The following PARD3 variants were observed in gnomAD, a reference collection of about 807,000 sequenced individuals.
The protein encoded by PARD3 is par-3 family cell polarity regulator, also known as partitioning defective 3 homolog.
A neutral mutation model predicts 155.4 loss-of-function variants in PARD3; 75 were observed. The observed-to-expected ratio is 0.48, with a 90% CI of 0.40 to 0.58. The LOEUF (loss-of-function observed/expected upper bound fraction) is 0.58, where lower values mean the gene tolerates loss of function less well. Ranked by LOEUF, PARD3 falls within the 20% of genes least tolerant of loss-of-function variation. The probability of loss-of-function intolerance (pLI) is 0.00; values close to 1 mark genes in which losing one functional copy is unlikely to be tolerated. For missense variants in PARD3, 1,642 were observed against 1,721.7 expected (o/e 0.95, Z 0.82); for synonymous variants, 576 against 610.5 (o/e 0.94, Z 0.83).
rs570875334 is a variant in PARD3, at chr10:34,442,392, G to A, written c.714+7925C>T. Among the ~76,000 whole-genome samples the A allele has an allele frequency of 2.6e-4, 40 of 152,208 alleles. No individual in the cohort carries two copies. In the South Asian group the frequency reaches 7.7e-3, roughly 29 times the overall value. On this transcript the variant is annotated intron_variant, in intron 5 of 24. Coordinates refer to ENST00000374788, the MANE Select transcript of PARD3 (RefSeq NM_001184785.2). ...TGACCCCTCAGTCATTTCCCTGACCGATCTGAAGTTGTTGTAATCAGATTG... is the reference window on the plus strand; with the variant it reads ...TGACCCCTCAGTCATTTCCCTGACCAATCTGAAGTTGTTGTAATCAGATTG...
chr10:34,744,778 G>A (rs936564787), intron 1 of PARD3, among the ~76,000 whole-genome samples: 17 of 152,188 alleles, frequency 1.1e-4, no homozygotes, highest in African/African-American at 4.1e-4. Context: ...AAAAATCCAA[G>A]ATAAGCAAAA....
rs1019363684 is a variant in PARD3 at position 34,795,295 on chromosome 10, C to T, written c.120+19581G>A. On this transcript the variant is annotated intron_variant, in intron 1 of 24. Coordinates refer to ENST00000374788, the MANE Select transcript of PARD3 (RefSeq NM_001184785.2). ...CACGGCAGGTCCGGAGGGAGATGCCCAATTCCAGTTCACTGGTAGTAAAAC... is the reference window on the plus strand; with the variant it reads ...CACGGCAGGTCCGGAGGGAGATGCCTAATTCCAGTTCACTGGTAGTAAAAC... 3.3e-5 allele frequency among the ~76,000 whole-genome samples: 5 copies of T among 152,248 alleles called. No individual in the cohort carries two copies. In the East Asian group the frequency reaches 9.6e-4, roughly 29 times the overall value.
chr10:34,236,149 G>C (rs1370612304), intron 22 of PARD3, among the ~76,000 whole-genome samples: 1 of 152,134 alleles, frequency 6.6e-6, no homozygotes, highest in Non-Finnish European at 1.5e-5. Flanking sequence ...GTAACCTACA[G>C]CTTATGATCT....
At chr10:34,668,395 C>A (rs1462902091) in intron 2 of PARD3, among the ~76,000 whole-genome samples, 1 of 152,156 alleles carries the variant, frequency 6.6e-6, no homozygotes, top group African/African-American at 2.4e-5. Context: ...CTCAGTGCAA[C>A]TGAATCATAG....
At chr10:34,762,502 TCCCACTAGGTTG>T in intron 1 of PARD3, among the ~76,000 whole-genome samples, 1 of 126,890 alleles carries the variant, frequency 7.9e-6, no homozygotes, top group South Asian at 2.6e-4. Flanking sequence ...AGAGATGGGG[TCCCACTAGGTTG>T]CCCAGGCTGG....
At chr10:34,196,419 T>C (rs12780542) in intron 22 of PARD3, among the ~76,000 whole-genome samples, 3,242 of 152,278 alleles carry the variant, frequency 0.021, 129 homozygotes, top group African/African-American at 0.073. Flanking sequence ...CTTATGTTGA[T>C]GACAATTTTT....
At chr10:34,622,640 T>TA (rs2091747026) in intron 2 of PARD3, among the ~76,000 whole-genome samples, 1 of 152,148 alleles carries the variant, frequency 6.6e-6, no homozygotes, top group Non-Finnish European at 1.5e-5. Flanking sequence ...CTGAATAAAT[T>TA]ACGGTTGAAT....
In PARD3 at chr10:34,382,662, T is replaced by C. The variant is rs777637594; in HGVS notation, c.1277A>G (p.His426Arg). ...DSHSRLPHSA[H>R]PSGKPPSAPA... ...AGCGGATGGTGGTTTTCCCGAGGGG[T>C]GTGCGCTATGAGGTAGTCTTGAGTG... The change falls in exon 9 of 25, where the codon CAC becomes CGC. Residue 426 changes from histidine (H) to arginine (R), a missense_variant. Physicochemically the swap from His to Arg is conservative, Grantham distance 29. This residue lies in a region of PARD3 where 1,529 missense variants were observed against 1,587.3 expected (regional missense o/e 0.96). Transcript: ENST00000374788. 31 of 1,613,882 alleles carry C rather than the reference T, an allele frequency of 1.9e-5. No individual in the cohort carries two copies. Among genetic ancestry groups the C allele is most frequent in the Middle Eastern group, 1.7e-4 (1 of 6,046 alleles).
chr10:34,633,718 G>A (rs2092364882), intron 2 of PARD3, among the ~76,000 whole-genome samples: 1 of 152,136 alleles, frequency 6.6e-6, no homozygotes, highest in African/African-American at 2.4e-5. Flanking sequence ...GGACCATATG[G>A]TAAGTTCTAT....
chr10:34,367,053 C>T (rs1454242798), intron 12 of PARD3, among the ~76,000 whole-genome samples: 1 of 152,100 alleles, frequency 6.6e-6, no homozygotes, highest in Non-Finnish European at 1.5e-5. Context: ...AAATGTTTTG[C>T]ACAATTATTA....
At position 34,814,978 on chromosome 10, in the gene PARD3, G is replaced by A. The variant is rs762072196; in HGVS notation, c.18C>T (p.Cys6=). The A allele has an allele frequency of 4.6e-6, 7 of 1,537,916 alleles. No homozygotes were observed. The East Asian group carries it at 1.1e-4, about 24-fold the overall frequency. Residue 6 remains cysteine, a synonymous_variant, in exon 1 of 25, where the codon TGC becomes TGT. Coordinates refer to ENST00000374788, the MANE Select transcript of PARD3 (RefSeq NM_001184785.2). ...GCACGACCACCCGGGTCCGTCCGAA[G>A]CACACGGTCACTTTCATGCCGCCGC... is the stretch of plus-strand genomic sequence containing the variant. The part of the protein sequence containing the change: MKVTV[C]FGRTRVVVPC...
intron 4 of PARD3, among the ~76,000 whole-genome samples, chr10:34,469,146 T>G (rs1049393080): frequency 1.3e-5 from 2 of 152,248 alleles, no homozygotes; most frequent in African/African-American, 4.8e-5. Context: ...AGTCTCACTC[T>G]GTCGCCCAGG....
intron 22 of PARD3, among the ~76,000 whole-genome samples, chr10:34,206,976 T>C (rs1160925075): frequency 6.6e-6 from 1 of 152,168 alleles, no homozygotes; most frequent in Non-Finnish European, 1.5e-5. Flanking sequence ...TCCTGGACTC[T>C]AGATTACACA....
chr10:34,534,139 G>A lies in PARD3; in HGVS notation c.223-16980C>T, dbSNP rs568906574. On this transcript the variant is annotated intron_variant, in intron 2 of 24. Coordinates refer to ENST00000374788, the MANE Select transcript of PARD3 (RefSeq NM_001184785.2). ...AAATTAGCCGGGCATGGTGGCGGGC[G>A]CCTGTAGTCCCAGCTACTCGGGAGG... Among the ~76,000 whole-genome samples the A allele has an allele frequency of 5.3e-5, 8 of 151,484 alleles. No homozygotes were observed. The South Asian group carries it at 8.4e-4, about 16-fold the overall frequency.
intron 1 of PARD3, among the ~76,000 whole-genome samples, chr10:34,706,555 C>T (rs2094365378): frequency 6.6e-6 from 1 of 151,978 alleles, no homozygotes; most frequent in African/African-American, 2.4e-5. Flanking sequence ...CCAGCCTGGG[C>T]AATATGGCAA....
rs1336586740 is a variant in PARD3, at chr10:34,413,142, T to TACACACAC, written c.715-11226_715-11225insGTGTGTGT. 1.1e-3 allele frequency among the ~76,000 whole-genome samples: 148 copies of TACACACAC among 132,546 alleles called. 1 individual carries two copies. Among genetic ancestry groups the TACACACAC allele is most frequent in the African/African-American group, 3.7e-3 (141 of 38,410 alleles). 87.0% of individuals were successfully genotyped at this position (132,546 alleles called of 152,430 possible). On this transcript the variant is annotated intron_variant, in intron 5 of 24. Coordinates refer to ENST00000374788, the MANE Select transcript of PARD3 (RefSeq NM_001184785.2). ...AACATTAGGCAGTACTTCAGATATA[T>TACACACAC]ATACACACACACACACACACACACA...
At chr10:34,377,843 C>G in intron 10 of PARD3, 124 bp downstream of exon 10, 2 of 579,030 alleles carry the variant, frequency 3.5e-6, no homozygotes, top group South Asian at 9.7e-5. Context: ...CATTTTGTGA[C>G]GCATACTTCC....
intron 24 of PARD3, among the ~76,000 whole-genome samples, chr10:34,112,827 G>A (rs1046466945): frequency 6.6e-6 from 1 of 152,174 alleles, no homozygotes; most frequent in African/African-American, 2.4e-5. Flanking sequence ...TAAAGAAAAT[G>A]ACCATAATGT....
intron 1 of PARD3, among the ~76,000 whole-genome samples, chr10:34,813,870 A>C (rs577158743): frequency 6.6e-6 from 1 of 152,328 alleles, no homozygotes; most frequent in East Asian, 1.9e-4. Context: ...ACTACAAAGG[A>C]AATATATCCC....
Sources: allele counts gnomAD v4.1 joint callset (sites outside exome capture counted in the v4.1 genomes callset), GRCh38; gene constraint gnomAD v4.1.1; regional missense constraint gnomAD v4.1.1; transcripts MANE v1.5; gene names NCBI Gene and HGNC (gene_info 2026-07-23, HGNC 2026-07-21).